The following SFXN1 variants were observed in gnomAD, a reference collection of about 807,000 sequenced individuals.
SFXN1 encodes sideroflexin-1.
In SFXN1, 32 loss-of-function variants were observed where a neutral mutation model predicts 39.5. That is an observed-to-expected ratio of 0.81 (90% CI 0.61 to 1.09). The LOEUF is 1.09. SFXN1 is among the 50% of genes least tolerant of loss of function. The pLI is 0.00. For missense variants in SFXN1, 402 were observed against 407.1 expected (o/e 0.99, Z 0.11); for synonymous variants, 136 against 146.5 (o/e 0.93, Z 0.52).
intron 1 of SFXN1, chr5:175,483,616 A>G (rs12658801): frequency 0.051 from 7,738 of 152,352 alleles, 288 homozygotes; most frequent in East Asian, 0.15. Flanking sequence ...CTTGCTGGAC[A>G]TGAGAAACCT....
At chr5:175,482,504 G>T (rs1398265294) in intron 1 of SFXN1, among the ~76,000 whole-genome samples, 1 of 152,138 alleles carries the variant, frequency 6.6e-6, no homozygotes, top group Non-Finnish European at 1.5e-5. Flanking sequence ...ACATGTTTCT[G>T]ATGATCTTCA....
At chr5:175,510,757 T>A (rs1467702630) in intron 4 of SFXN1, among the ~76,000 whole-genome samples, 2 of 152,222 alleles carry the variant, frequency 1.3e-5, no homozygotes, top group Non-Finnish European at 2.9e-5. Flanking sequence ...CTCACAAGAT[T>A]AGTTAACCAA....
At chr5:175,483,288 A>G (rs1316221554) in intron 1 of SFXN1, among the ~76,000 whole-genome samples, 2 of 152,222 alleles carry the variant, frequency 1.3e-5, no homozygotes, top group Non-Finnish European at 2.9e-5. Context: ...TTTATGTGAT[A>G]AAACCTCAAA....
Position 175,518,496 on chromosome 5 carries a change from T to G in SFXN1, c.774+1833T>G, listed in dbSNP as rs150281628. On this transcript the variant is annotated intron_variant, in intron 8 of 10. Transcript: ENST00000321442. ...ATCTCAGGGAGCATGTAGCATGATATGGGGAAGAGGCGCAAGACACATTGT... is the reference window on the plus strand; with the variant it reads ...ATCTCAGGGAGCATGTAGCATGATAGGGGGAAGAGGCGCAAGACACATTGT... Among the ~76,000 whole-genome samples the G allele has an allele frequency of 1.6e-3, 241 of 152,248 alleles. 2 individuals carry two copies. The highest frequency in any genetic ancestry group is 5.5e-3 in the African/African-American group (227 of 41,528).
intron 7 of SFXN1, among the ~76,000 whole-genome samples, chr5:175,515,945 C>G (rs1202612609): frequency 6.6e-6 from 1 of 152,148 alleles, no homozygotes; most frequent in African/African-American, 2.4e-5. Flanking sequence ...AGTGACAGAT[C>G]ATCAGGCACT....
rs1761108899 is a variant in SFXN1, at chr5:175,527,721, T to G, written c.*987T>G. The G allele has an allele frequency of 6.6e-6, 1 of 150,438 alleles. No individual in the cohort carries two copies. The highest frequency in any genetic ancestry group is 1.9e-4 in the East Asian group (1 of 5,180). 9.3% of individuals were successfully genotyped at this position (150,438 alleles called of 1,614,324 possible). Reference sequence around the variant, plus strand: ...CACAATGAATTTTACTTGAATATTGTATGTTGCATTCCACTTCATTTGAAA... The same window carrying G: ...CACAATGAATTTTACTTGAATATTGGATGTTGCATTCCACTTCATTTGAAA... On this transcript the variant is annotated 3_prime_UTR_variant, in exon 11 of 11. Transcript: ENST00000321442.
At chr5:175,523,535 T>C (rs909304260) in intron 10 of SFXN1, 1 of 152,190 alleles carries the variant, frequency 6.6e-6, no homozygotes, top group African/African-American at 2.4e-5. Flanking sequence ...GTGTGCCTGA[T>C]ACCAAGTTGT....
chr5:175,489,875 C>T (rs192100812), intron 1 of SFXN1, among the ~76,000 whole-genome samples: 90 of 152,300 alleles, frequency 5.9e-4, no homozygotes, highest in African/African-American at 1.9e-3. Context: ...TTTCCTTCCC[C>T]GCACCCTTCT....
At position 175,513,558 on chromosome 5, in the gene SFXN1, T is replaced by C. The variant is rs939132400; in HGVS notation, c.692T>C (p.Val231Ala). 3.7e-6 allele frequency: 6 copies of C among 1,613,832 alleles called. No individual in the cohort carries two copies. Among genetic ancestry groups the C allele is most frequent in the Non-Finnish European group, 4.2e-6 (5 of 1,179,944 alleles). The change falls in exon 7 of 11, where the codon GTG becomes GCG. Residue 231 changes from valine (V) to alanine (A), a missense_variant. Transcript: ENST00000321442. Reference protein sequence around the residue: ...AAKQAITQVVVSRILMAAPGM... With the variant: ...AAKQAITQVVASRILMAAPGM... ...AAACAAGCCATCACGCAAGTTGTCGTGTCCAGGATTCTCATGGCAGCCCCT... is the reference window on the plus strand; with the variant it reads ...AAACAAGCCATCACGCAAGTTGTCGCGTCCAGGATTCTCATGGCAGCCCCT...
At chr5:175,489,529 C>G (rs1025225163) in intron 1 of SFXN1, among the ~76,000 whole-genome samples, 1 of 152,146 alleles carries the variant, frequency 6.6e-6, no homozygotes, top group African/African-American at 2.4e-5. Context: ...TATTCTAATT[C>G]AAAATTTAGT....
At chr5:175,514,259 A>G (rs749637077) in intron 7 of SFXN1, among the ~76,000 whole-genome samples, 2 of 152,114 alleles carry the variant, frequency 1.3e-5, no homozygotes, top group Non-Finnish European at 2.9e-5. Flanking sequence ...GAACTGATGG[A>G]GCAAATTGGA....
chr5:175,524,121 AAAAAATATATATAT>A (rs1250653600), intron 10 of SFXN1: 10 of 35,318 alleles, frequency 2.8e-4, no homozygotes, highest in Middle Eastern at 0.013. Flanking sequence ...AAAAAAAAAA[AAAAAATATATATAT>A]ATATATATAT....
intron 2 of SFXN1, among the ~76,000 whole-genome samples, chr5:175,506,329 T>C (rs2113321373): frequency 6.6e-6 from 1 of 152,306 alleles, no homozygotes; most frequent in Middle Eastern, 3.4e-3. Flanking sequence ...AATCGCAGTG[T>C]ATAAAATACG....
chr5:175,508,977 A>G, intron 2 of SFXN1, 55 bp from the exon 3 acceptor site: 1 of 1,530,668 alleles, frequency 6.5e-7, no homozygotes, highest in Non-Finnish European at 8.9e-7. Context: ...TGTCTCTAGG[A>G]CACTGGGGAG....
chr5:175,504,573 CAAA>C (rs531492337), intron 2 of SFXN1, among the ~76,000 whole-genome samples: 3 of 108,248 alleles, frequency 2.8e-5, no homozygotes, highest in African/African-American at 3.3e-5. Flanking sequence ...GACTCCATCT[CAAA>C]AAAAAAAAAA....
At position 175,489,749 on chromosome 5, in the gene SFXN1, A is replaced by G. The variant is rs546887707; in HGVS notation, c.-9-2346A>G. Among the ~76,000 whole-genome samples the G allele has an allele frequency of 7.2e-5, 11 of 152,260 alleles. No homozygotes were observed. In the South Asian group the frequency reaches 2.1e-3, roughly 29 times the overall value. On this transcript the variant is annotated intron_variant, in intron 1 of 10. Transcript: ENST00000321442. Reference sequence around the variant, plus strand: ...AAGACAAATATTATCCTCCTTCTAGAGACTCTGATCCAGGAGGTCCAGCAC... The same window carrying G: ...AAGACAAATATTATCCTCCTTCTAGGGACTCTGATCCAGGAGGTCCAGCAC...
intron 2 of SFXN1, among the ~76,000 whole-genome samples, chr5:175,503,939 G>A (rs1760188567): frequency 6.7e-6 from 1 of 149,512 alleles, no homozygotes; most frequent in South Asian, 2.1e-4. Flanking sequence ...GGGAGGTAGA[G>A]GTTGCAGTAG....
At chr5:175,493,597 C>T (rs960835405) in intron 2 of SFXN1, among the ~76,000 whole-genome samples, 2 of 151,996 alleles carry the variant, frequency 1.3e-5, no homozygotes, top group African/African-American at 2.4e-5. Flanking sequence ...AGGCAAAAGC[C>T]GTAGAAAGCA....
intron 2 of SFXN1, among the ~76,000 whole-genome samples, chr5:175,507,708 C>T (rs1760360059): frequency 6.6e-6 from 1 of 152,154 alleles, no homozygotes; most frequent in Admixed American, 6.5e-5. Context: ...CATGGTGGCC[C>T]ACGCCTGTAA....
Sources: allele counts gnomAD v4.1 joint callset (sites outside exome capture counted in the v4.1 genomes callset), GRCh38; gene constraint gnomAD v4.1.1; transcripts MANE v1.5; gene names NCBI Gene and HGNC (gene_info 2026-07-23, HGNC 2026-07-21).